The following LMX1A variants were observed in gnomAD, a reference collection of about 807,000 sequenced individuals.
LMX1A encodes the protein LIM homeobox transcription factor 1-alpha.
LMX1A carries 15 observed loss-of-function variants against 49.1 expected under a neutral mutation model. The ratio of observed to expected loss-of-function variants is 0.31; its 90% CI spans 0.20 to 0.47. LMX1A has a LOEUF of 0.47. Among genes scored for constraint, LMX1A ranks in the 20% least tolerant of loss-of-function variants. LMX1A has a pLI of 1.00. For missense variants in LMX1A, 372 were observed against 475.8 expected, an observed-to-expected ratio of 0.78 and a Z score of 2.03; for synonymous variants, 167 against 185.7, an observed-to-expected ratio of 0.90 and a Z score of 0.82.
intron 5 of LMX1A, 173 bp from the exon 6 acceptor site, chr1:165,210,949 A>G: frequency 2.3e-6 from 1 of 438,138 alleles, no homozygotes; most frequent in Non-Finnish European, 4.0e-6. Context: ...CTTCAGGTAG[A>G]AAGAAAGTCC....
At chr1:165,251,226 G>A (rs1653050710) in intron 3 of LMX1A, among the ~76,000 whole-genome samples, 1 of 152,046 alleles carries the variant, frequency 6.6e-6, no homozygotes, top group Non-Finnish European at 1.5e-5. Flanking sequence ...GGGATTAAAG[G>A]TGCATGTCAC....
At chr1:165,348,801 C>T (rs945634888) in intron 3 of LMX1A, among the ~76,000 whole-genome samples, 3 of 152,180 alleles carry the variant, frequency 2.0e-5, no homozygotes, top group Admixed American at 2.0e-4. Flanking sequence ...GATATCATTA[C>T]CTAAGTCGTT....
intron 3 of LMX1A, among the ~76,000 whole-genome samples, chr1:165,315,763 CT>C (rs1423257526): frequency 6.6e-6 from 1 of 152,208 alleles, no homozygotes; most frequent in Non-Finnish European, 1.5e-5. Flanking sequence ...CCATCCACCC[CT>C]GACACATGTG....
intron 3 of LMX1A, among the ~76,000 whole-genome samples, chr1:165,351,168 T>TTA (rs531896799): frequency 1.5e-5 from 1 of 68,484 alleles, no homozygotes; most frequent in Non-Finnish European, 3.4e-5. Flanking sequence ...TGATTCGTGA[T>TTA]TTTTTTTTTT....
intron 3 of LMX1A, among the ~76,000 whole-genome samples, chr1:165,284,489 G>GCTTTTT (rs1304224378): frequency 6.6e-6 from 1 of 152,192 alleles, no homozygotes; most frequent in African/African-American, 2.4e-5. Context: ...CTAATATTAA[G>GCTTTTT]AGTGAATGAG....
chr1:165,289,017 C>G (rs976377232), intron 3 of LMX1A, among the ~76,000 whole-genome samples: 4 of 152,174 alleles, frequency 2.6e-5, no homozygotes, highest in Non-Finnish European at 4.4e-5. Context: ...GCAGAGCAAA[C>G]AGACTTCTGG....
chr1:165,266,595 CTTTTTTTT>C (rs61551654), intron 3 of LMX1A, among the ~76,000 whole-genome samples: 1 of 79,182 alleles, frequency 1.3e-5, no homozygotes, highest in African/African-American at 5.2e-5. Context: ...TTCTTTCTTT[CTTTTTTTT>C]TTTTTTTTTT....
At chr1:165,349,731 G>A (rs542075809) in intron 3 of LMX1A, among the ~76,000 whole-genome samples, 3 of 152,154 alleles carry the variant, frequency 2.0e-5, no homozygotes, top group South Asian at 2.1e-4. Context: ...TGTGCAAGAC[G>A]TCACTGTCAA....
intron 3 of LMX1A, among the ~76,000 whole-genome samples, chr1:165,325,383 T>C (rs548469269): frequency 2.7e-4 from 41 of 152,212 alleles, no homozygotes; most frequent in Non-Finnish European, 4.9e-4. Flanking sequence ...TAGATGAGGA[T>C]AGTATAATTC....
chr1:165,282,572 T>G (rs899778991), intron 3 of LMX1A, among the ~76,000 whole-genome samples: 14 of 152,226 alleles, frequency 9.2e-5, no homozygotes, highest in African/African-American at 2.9e-4. Flanking sequence ...CCTGTGGCTC[T>G]GGAACCCTCA....
Position 165,329,645 on chromosome 1 carries a change from C to G in LMX1A, c.263+23431G>C, listed in dbSNP as rs1406936915. On this transcript the variant is annotated intron_variant, in intron 3 of 8. Coordinates refer to ENST00000342310, the MANE Select transcript of LMX1A (RefSeq NM_177398.4). Reference sequence around the variant, plus strand: ...CCCCCGCCACTGCAAAAAAAAAAACCTTACAGTGATATGGGTGAATAAGAG... The same window carrying G: ...CCCCCGCCACTGCAAAAAAAAAAACGTTACAGTGATATGGGTGAATAAGAG... Among the ~76,000 whole-genome samples, 3 of 146,478 alleles carry G rather than the reference C, an allele frequency of 2.0e-5. No homozygotes were observed. In the East Asian group the frequency reaches 6.2e-4, roughly 30 times the overall value.
At chr1:165,351,629 T>C (rs1434001863) in intron 3 of LMX1A, among the ~76,000 whole-genome samples, 1 of 152,192 alleles carries the variant, frequency 6.6e-6, no homozygotes, top group Non-Finnish European at 1.5e-5. Context: ...GCCAAGCTAT[T>C]ATCTTTTCAA....
chr1:165,229,362 T>C (rs866634560), intron 4 of LMX1A, among the ~76,000 whole-genome samples: 1 of 152,174 alleles, frequency 6.6e-6, no homozygotes, highest in Non-Finnish European at 1.5e-5. Flanking sequence ...CATTTATTAA[T>C]GGAAGCTATA....
At chr1:165,283,492 C>T (rs150667320) in intron 3 of LMX1A, among the ~76,000 whole-genome samples, 3 of 152,292 alleles carry the variant, frequency 2.0e-5, no homozygotes, top group African/African-American at 7.2e-5. Context: ...TTTTCCTCCT[C>T]TTCCTCTTTC....
At chr1:165,274,449 T>C (rs534965671) in intron 3 of LMX1A, among the ~76,000 whole-genome samples, 1 of 152,208 alleles carries the variant, frequency 6.6e-6, no homozygotes, top group Admixed American at 6.5e-5. Flanking sequence ...GTCAGATTGA[T>C]TTAGATTGGA....
intron 3 of LMX1A, among the ~76,000 whole-genome samples, chr1:165,287,243 G>A (rs942936622): frequency 1.4e-4 from 21 of 152,168 alleles, no homozygotes; most frequent in Admixed American, 4.6e-4. Flanking sequence ...AAGATGGTTC[G>A]GGGGCAGAAT....
intron 3 of LMX1A, among the ~76,000 whole-genome samples, chr1:165,267,191 T>C (rs1179012180): frequency 6.6e-6 from 1 of 152,208 alleles, no homozygotes; most frequent in Non-Finnish European, 1.5e-5. Flanking sequence ...CCACCACCAA[T>C]CTGAGTTCTG....
chr1:165,312,784 A>G (rs1655112744), intron 3 of LMX1A, among the ~76,000 whole-genome samples: 1 of 152,216 alleles, frequency 6.6e-6, no homozygotes, highest in Non-Finnish European at 1.5e-5. Context: ...ACCAAACAAC[A>G]ACAAACCATC....
At chr1:165,330,695 G>C (rs1374118876) in intron 3 of LMX1A, among the ~76,000 whole-genome samples, 4 of 152,186 alleles carry the variant, frequency 2.6e-5, no homozygotes, top group African/African-American at 9.7e-5. Context: ...ACAGGCTTTA[G>C]TCATACAGGG....
Sources: allele counts gnomAD v4.1 joint callset (sites outside exome capture counted in the v4.1 genomes callset), GRCh38; gene constraint gnomAD v4.1.1; transcripts MANE v1.5; gene names NCBI Gene and HGNC (gene_info 2026-07-23, HGNC 2026-07-21).